Variants in GRIK1 observed in about 807,000 individuals in gnomAD.
The protein encoded by GRIK1 is glutamate ionotropic receptor kainate type subunit 1.
A neutral mutation model predicts 105.7 loss-of-function variants in GRIK1; 69 were observed. The ratio of observed to expected loss-of-function variants is 0.65; its 90% CI spans 0.54 to 0.80. The LOEUF is 0.80. Ranked by LOEUF, GRIK1 falls within the 30% of genes least tolerant of loss-of-function variation. The probability of loss-of-function intolerance (pLI) is 0.00; values close to 1 mark genes in which losing one functional copy is unlikely to be tolerated. For missense variants in GRIK1, 1,109 were observed against 1,167.3 expected (o/e 0.95, Z 0.73); for synonymous variants, 438 against 431.3 (o/e 1.02, Z -0.19).
intron 16 of GRIK1, among the ~76,000 whole-genome samples, chr21:29,541,921 G>T (rs796113116): frequency 1.3e-5 from 2 of 151,978 alleles, no homozygotes. Flanking sequence ...ATTAATAAAT[G>T]AACCTTTATA....
At chr21:29,774,446 C>CTTTTTTTTTTTTTTTTTTTTTTTTT (rs34378438) in intron 1 of GRIK1, among the ~76,000 whole-genome samples, 1 of 102,432 alleles carries the variant, frequency 9.8e-6, no homozygotes, top group Non-Finnish European at 2.0e-5. Flanking sequence ...TTATTTTGCT[C>CTTTTTTTTTTTTTTTTTTTTTTTTT]TTTTTTTTTT....
intron 1 of GRIK1, among the ~76,000 whole-genome samples, chr21:29,694,314 G>T (rs1370824142): frequency 6.6e-6 from 1 of 151,834 alleles, no homozygotes; most frequent in African/African-American, 2.4e-5. Context: ...AGTAGAGATG[G>T]GGTTTCCCCA....
chr21:29,929,339 G>A (rs59354702), intron 1 of GRIK1, among the ~76,000 whole-genome samples: 3,121 of 152,120 alleles, frequency 0.021, 128 homozygotes, highest in African/African-American at 0.071. Flanking sequence ...TTAACTAATC[G>A]TTGTTAAACT....
At chr21:29,879,259 T>A (rs2069307519) in intron 1 of GRIK1, among the ~76,000 whole-genome samples, 1 of 152,092 alleles carries the variant, frequency 6.6e-6, no homozygotes, top group Non-Finnish European at 1.5e-5. Context: ...GAATTGGTGG[T>A]CTGGAGTTCT....
At chr21:29,691,358 A>T (rs2063581587) in intron 2 of GRIK1, among the ~76,000 whole-genome samples, 1 of 152,140 alleles carries the variant, frequency 6.6e-6, no homozygotes, top group Non-Finnish European at 1.5e-5. Context: ...GCTGCTCCTA[A>T]TTTTTGGCTA....
intron 9 of GRIK1, among the ~76,000 whole-genome samples, chr21:29,592,875 A>T (rs1216896344): frequency 6.6e-6 from 1 of 152,186 alleles, no homozygotes; most frequent in African/African-American, 2.4e-5. Context: ...GCAGTTTAGG[A>T]ACATGAACAC....
At chr21:29,710,850 C>T (rs1330296939) in intron 1 of GRIK1, among the ~76,000 whole-genome samples, 2 of 141,276 alleles carry the variant, frequency 1.4e-5, no homozygotes, top group Non-Finnish European at 3.1e-5. Context: ...CTTTTCTCTC[C>T]CTCCCTCCCT....
chr21:29,560,504 C>CTTTCT (rs1429462574), intron 15 of GRIK1, among the ~76,000 whole-genome samples: 2 of 26,526 alleles, frequency 7.5e-5, no homozygotes, highest in South Asian at 1.1e-3. Flanking sequence ...TCTTTCCTTC[C>CTTTCT]TTCCTTCCTT....
In GRIK1 at chr21:29,623,866, A is replaced by G. The variant is rs57754194; in HGVS notation, c.1098+18960T>C. 8.3e-3 allele frequency among the ~76,000 whole-genome samples: 1,267 copies of G among 152,364 alleles called. 12 individuals are homozygous for G. Among genetic ancestry groups the G allele is most frequent in the African/African-American group, 0.029 (1,205 of 41,592 alleles). ...ACTTGCAGAATAATTGTCTAATGCC[A>G]AAGTAATCTTTCATAGAGAGAATTT... On this transcript the variant is annotated intron_variant, in intron 7 of 17. Coordinates refer to ENST00000327783, the MANE Select transcript of GRIK1 (RefSeq NM_001330994.2).
chr21:29,859,533 A>C (rs892894770), intron 1 of GRIK1, among the ~76,000 whole-genome samples: 1 of 152,186 alleles, frequency 6.6e-6, no homozygotes. Flanking sequence ...GAAATTTCCA[A>C]GAAGTACTTG....
intron 7 of GRIK1, among the ~76,000 whole-genome samples, chr21:29,603,209 G>T (rs1004228948): frequency 1.3e-5 from 2 of 151,974 alleles, no homozygotes; most frequent in African/African-American, 4.8e-5. Context: ...ATGACAAAAG[G>T]ATACTTTACC....
At chr21:29,842,137 T>G (rs150257690) in intron 1 of GRIK1, among the ~76,000 whole-genome samples, 1 of 152,294 alleles carries the variant, frequency 6.6e-6, no homozygotes, top group African/African-American at 2.4e-5. Context: ...ATAAATAATC[T>G]TGATAAATAC....
At chr21:29,791,179 C>A (rs1278334399) in intron 1 of GRIK1, among the ~76,000 whole-genome samples, 1 of 151,936 alleles carries the variant, frequency 6.6e-6, no homozygotes, top group Non-Finnish European at 1.5e-5. Flanking sequence ...GGACCAGAGC[C>A]CATGGGACTT....
chr21:29,554,639 T>C (rs2090203361), intron 16 of GRIK1, among the ~76,000 whole-genome samples: 1 of 152,222 alleles, frequency 6.6e-6, no homozygotes, highest in Non-Finnish European at 1.5e-5. Context: ...TTGTTTTGCA[T>C]TAGTACATGT....
intron 1 of GRIK1, among the ~76,000 whole-genome samples, chr21:29,764,908 A>G (rs2065618712): frequency 6.6e-6 from 1 of 152,222 alleles, no homozygotes; most frequent in African/African-American, 2.4e-5. Context: ...GAATTCAGAA[A>G]ACTTAGGGCT....
chr21:29,584,902 C>G (rs1385371420), intron 12 of GRIK1, among the ~76,000 whole-genome samples: 2 of 152,118 alleles, frequency 1.3e-5, no homozygotes, highest in Admixed American at 1.3e-4. Context: ...GGAATCAAGT[C>G]TAAATATATA....
chr21:29,650,804 C>A (rs2062718176), intron 6 of GRIK1, among the ~76,000 whole-genome samples: 1 of 152,162 alleles, frequency 6.6e-6, no homozygotes, highest in Non-Finnish European at 1.5e-5. Context: ...CCCCCACCAG[C>A]CACCTTCCCC....
At chr21:29,692,664 C>G (rs974604796) in intron 2 of GRIK1, among the ~76,000 whole-genome samples, 1 of 152,312 alleles carries the variant, frequency 6.6e-6, no homozygotes, top group South Asian at 2.1e-4. Flanking sequence ...GGCTCTACTT[C>G]CCGGGTTCAC....
At chr21:29,543,280 T>C (rs968285119) in intron 16 of GRIK1, among the ~76,000 whole-genome samples, 2 of 152,240 alleles carry the variant, frequency 1.3e-5, no homozygotes, top group Admixed American at 1.3e-4. Flanking sequence ...GGAAAGTTTT[T>C]AAGGAATAGG....
Sources: gnomAD v4.1 joint callset for allele counts (sites outside exome capture counted in the v4.1 genomes callset) on GRCh38, gnomAD v4.1.1 for gene constraint, MANE v1.5 for transcripts, NCBI Gene and HGNC (gene_info 2026-07-23, HGNC 2026-07-21) for gene names.